Variants in SEMA3E observed in about 807,000 individuals in gnomAD.
The protein encoded by SEMA3E is semaphorin 3E, also known as semaphorin-3E.
Under a neutral mutation model 93.6 loss-of-function variants are expected in SEMA3E, and 49 were observed. The observed-to-expected ratio is 0.52, with a 90% CI of 0.42 to 0.66. SEMA3E has a LOEUF of 0.66. SEMA3E is among the 30% of genes least tolerant of loss of function. The probability of loss-of-function intolerance (pLI) is 0.00; values close to 1 mark genes in which losing one functional copy is unlikely to be tolerated. For synonymous variants in SEMA3E, 363 were observed against 330.7 expected (o/e 1.10, Z -1.06); for missense variants, 906 against 964.8 (o/e 0.94, Z 0.81).
chr7:83,380,898 C>T (rs1491000150), intron 16 of SEMA3E, among the ~76,000 whole-genome samples: 1 of 151,976 alleles, frequency 6.6e-6, no homozygotes, highest in Non-Finnish European at 1.5e-5. Context: ...ACAGCCTTCA[C>T]ATTTCTTAAT....
intron 2 of SEMA3E, among the ~76,000 whole-genome samples, chr7:83,487,038 C>G (rs940411706): frequency 6.6e-6 from 1 of 152,094 alleles, no homozygotes; most frequent in South Asian, 2.1e-4. Flanking sequence ...CATAAAGCCT[C>G]ATCACTCTCC....
At chr7:83,600,393 C>A (rs1237533777) in intron 1 of SEMA3E, among the ~76,000 whole-genome samples, 8 of 150,670 alleles carry the variant, frequency 5.3e-5, no homozygotes, top group Admixed American at 5.3e-4. Flanking sequence ...TATCTCGGCT[C>A]ACTGCAAGCT....
chr7:83,559,087 G>C (rs1260472249), intron 1 of SEMA3E, among the ~76,000 whole-genome samples: 2 of 151,994 alleles, frequency 1.3e-5, no homozygotes, highest in Non-Finnish European at 2.9e-5. Context: ...GCTCATCTTT[G>C]ACTGGATCAA....
rs1790357330 is a variant in SEMA3E, at chr7:83,490,367, G to A, written c.116-93C>T. The A allele has an allele frequency of 4.8e-6, 6 of 1,261,200 alleles. No homozygotes were observed. The South Asian group carries it at 7.6e-5, about 16-fold the overall frequency. The allele number at this position is 1,261,200 out of a possible 1,614,324, so 78.1% of individuals were successfully genotyped here. A position where few individuals can be genotyped will look rare whatever the true frequency, so the allele number is the denominator to read the frequency against. ...CATAGCTCTGTTTTCATCCCTATTG[G>A]AACTGAGTCATTAACATTCATTTTA... On this transcript the variant is annotated intron_variant, in intron 1 of 16. Transcript: ENST00000643230.
intron 5 of SEMA3E, among the ~76,000 whole-genome samples, chr7:83,413,807 C>T (rs1788489436): frequency 1.3e-5 from 2 of 151,898 alleles, no homozygotes; most frequent in Admixed American, 1.3e-4. Flanking sequence ...TTTGTGTGTG[C>T]CAGCACCCAT....
intron 1 of SEMA3E, among the ~76,000 whole-genome samples, chr7:83,508,416 C>A (rs1790747904): frequency 6.6e-6 from 1 of 152,016 alleles, no homozygotes; most frequent in South Asian, 2.1e-4. Context: ...GCGTGCGCCA[C>A]CACACCCGGC....
intron 1 of SEMA3E, among the ~76,000 whole-genome samples, chr7:83,621,922 A>G (rs1452820718): frequency 2.6e-5 from 4 of 152,240 alleles, no homozygotes; most frequent in African/African-American, 9.6e-5. Flanking sequence ...CATTCAGGAT[A>G]TATGCATGGC....
intron 1 of SEMA3E, among the ~76,000 whole-genome samples, chr7:83,608,432 T>C (rs1458126580): frequency 6.6e-6 from 1 of 152,152 alleles, no homozygotes; most frequent in East Asian, 1.9e-4. Context: ...TACTACTCTT[T>C]CAGAACTACT....
At chr7:83,483,891 C>T (rs910577440) in intron 2 of SEMA3E, among the ~76,000 whole-genome samples, 17 of 152,132 alleles carry the variant, frequency 1.1e-4, no homozygotes, top group Admixed American at 5.2e-4. Flanking sequence ...TCCATCATGA[C>T]GTACCGCTGT....
At chr7:83,416,743 A>G (rs1162711975) in intron 5 of SEMA3E, among the ~76,000 whole-genome samples, 2 of 151,922 alleles carry the variant, frequency 1.3e-5, no homozygotes, top group Non-Finnish European at 2.9e-5. Context: ...TCTTTTTTTC[A>G]AACATATTAA....
chr7:83,401,859 C>T (rs1788239659), intron 10 of SEMA3E, among the ~76,000 whole-genome samples: 1 of 152,040 alleles, frequency 6.6e-6, no homozygotes, highest in Non-Finnish European at 1.5e-5. Flanking sequence ...CCATAGCTCA[C>T]ATAGCACATA....
intron 4 of SEMA3E, among the ~76,000 whole-genome samples, chr7:83,459,632 A>C (rs1210214571): frequency 6.6e-6 from 1 of 152,220 alleles, no homozygotes; most frequent in Non-Finnish European, 1.5e-5. Context: ...TAGTTAATCT[A>C]CAACTAGGAG....
chr7:83,499,176 A>G (rs1329056730), intron 1 of SEMA3E, among the ~76,000 whole-genome samples: 1 of 152,222 alleles, frequency 6.6e-6, no homozygotes, highest in Non-Finnish European at 1.5e-5. Flanking sequence ...CTACTAATAC[A>G]GCACTGCAAT....
chr7:83,472,033 A>G (rs1041970649), intron 2 of SEMA3E, among the ~76,000 whole-genome samples: 1 of 152,034 alleles, frequency 6.6e-6, no homozygotes, highest in African/African-American at 2.4e-5. Flanking sequence ...TCGTCTTCCT[A>G]TTTTCTTATC....
intron 16 of SEMA3E, among the ~76,000 whole-genome samples, chr7:83,370,849 T>C (rs191918844): frequency 2.5e-3 from 385 of 152,286 alleles, no homozygotes; most frequent in Non-Finnish European, 4.1e-3. Context: ...TTTCAACAAA[T>C]GGATACTAAT....
chr7:83,422,154 G>A (rs1409562113), intron 4 of SEMA3E, among the ~76,000 whole-genome samples: 1 of 152,152 alleles, frequency 6.6e-6, no homozygotes, highest in Admixed American at 6.5e-5. Flanking sequence ...TCCAGACTGG[G>A]CAACAAGAGT....
intron 1 of SEMA3E, among the ~76,000 whole-genome samples, chr7:83,598,664 C>A (rs947435959): frequency 6.6e-6 from 1 of 152,162 alleles, no homozygotes; most frequent in Non-Finnish European, 1.5e-5. Flanking sequence ...AGAGTTGAAA[C>A]TGGGAGAAGT....
At chr7:83,636,946 T>G (rs1793892663) in intron 1 of SEMA3E, among the ~76,000 whole-genome samples, 1 of 152,044 alleles carries the variant, frequency 6.6e-6, no homozygotes, top group African/African-American at 2.4e-5. Context: ...GCACCCTACT[T>G]TATTACGACC....
chr7:83,390,271 A>G (rs73389155), intron 14 of SEMA3E, among the ~76,000 whole-genome samples: 22 of 116,778 alleles, frequency 1.9e-4, no homozygotes, highest in African/African-American at 6.1e-4. Flanking sequence ...GCGCGTATAT[A>G]TGTGTATATT....
Sources: gnomAD v4.1 joint callset for allele counts (sites outside exome capture counted in the v4.1 genomes callset) on GRCh38, gnomAD v4.1.1 for gene constraint, MANE v1.5 for transcripts, NCBI Gene and HGNC (gene_info 2026-07-23, HGNC 2026-07-21) for gene names.